Variants in ZFHX3 observed in about 807,000 individuals in gnomAD.
ZFHX3 encodes the protein zinc finger homeobox 3.
A neutral mutation model predicts 279.1 loss-of-function variants in ZFHX3; 42 were observed. The observed-to-expected ratio is 0.15, with a 90% CI of 0.12 to 0.19. The LOEUF (loss-of-function observed/expected upper bound fraction) is 0.19. ZFHX3 is among the 10% of genes least tolerant of loss of function. The probability of loss-of-function intolerance (pLI) is 1.00; values close to 1 mark genes in which losing one functional copy is unlikely to be tolerated. For synonymous variants in ZFHX3, 2,293 were observed against 1,957.8 expected, an observed-to-expected ratio of 1.17 and a Z score of -4.52; for missense variants, 4,981 against 4,754.0, an observed-to-expected ratio of 1.05 and a Z score of -1.40.
At chr16:73,083,684 C>T (rs1252004292) in intron 8 of ZFHX3, among the ~76,000 whole-genome samples, 4 of 152,182 alleles carry the variant, frequency 2.6e-5, no homozygotes, top group Non-Finnish European at 5.9e-5. Flanking sequence ...TGCGCACCAT[C>T]ACACCTGGTT....
chr16:73,718,281 G>A (rs544639836), intron 1 of ZFHX3, among the ~76,000 whole-genome samples: 1 of 152,206 alleles, frequency 6.6e-6, no homozygotes, highest in African/African-American at 2.4e-5. Flanking sequence ...CGTGGTGGCA[G>A]GCACCTGTAA....
intron 1 of ZFHX3, among the ~76,000 whole-genome samples, chr16:73,020,740 G>T (rs917281619): frequency 3.3e-5 from 5 of 152,156 alleles, no homozygotes; most frequent in Non-Finnish European, 5.9e-5. Flanking sequence ...CTGGTTTAAG[G>T]GTAAAGTCAG....
chr16:73,885,893 C>A (rs962817106), intron 1 of ZFHX3, among the ~76,000 whole-genome samples: 2 of 152,158 alleles, frequency 1.3e-5, no homozygotes, highest in Non-Finnish European at 2.9e-5. Context: ...TAAGTACCCC[C>A]CTGACTGAGG....
At chr16:73,018,191 T>A (rs1428933380) in intron 1 of ZFHX3, among the ~76,000 whole-genome samples, 1 of 151,882 alleles carries the variant, frequency 6.6e-6, no homozygotes, top group Non-Finnish European at 1.5e-5. Flanking sequence ...AGGGTCTCAC[T>A]ATGTTGCCCA....
chr16:73,556,583 T>C (rs2020286415), intron 2 of ZFHX3, among the ~76,000 whole-genome samples: 1 of 152,042 alleles, frequency 6.6e-6, no homozygotes, highest in African/African-American at 2.4e-5. Flanking sequence ...AAGAAAAATC[T>C]ACTGGGGTTT....
chr16:73,306,021 C>A lies in ZFHX3; in HGVS notation c.-1194+12219G>T, dbSNP rs941439151. ...ATGCGGATTCTGGCTCAGTGGAACC[C>A]GCAAGTCTGCATTTCTTACAAAATC... On this transcript the variant is annotated intron_variant, in intron 4 of 17. Transcript: ENST00000641206. 4.6e-5 allele frequency among the ~76,000 whole-genome samples: 7 copies of A among 152,276 alleles called. No homozygotes were observed. The East Asian group carries it at 1.4e-3, about 29-fold the overall frequency.
At chr16:73,452,043 A>T (rs2018288884) in intron 3 of ZFHX3, among the ~76,000 whole-genome samples, 1 of 152,236 alleles carries the variant, frequency 6.6e-6, no homozygotes, top group Admixed American at 6.5e-5. Context: ...GTACACAAAG[A>T]GCTGAGAGTT....
At chr16:73,799,784 G>A (rs72803159) in intron 1 of ZFHX3, among the ~76,000 whole-genome samples, 2,353 of 152,204 alleles carry the variant, frequency 0.015, 38 homozygotes, top group Middle Eastern at 0.031. Flanking sequence ...TGAAGAATGT[G>A]GGAGACAAAA....
At chr16:73,271,353 G>A (rs1255512656) in intron 4 of ZFHX3, among the ~76,000 whole-genome samples, 1 of 152,178 alleles carries the variant, frequency 6.6e-6, no homozygotes, top group Non-Finnish European at 1.5e-5. Context: ...TCTCCCTGTG[G>A]CACCCACTGG....
chr16:73,481,691 C>T (rs929453544), intron 2 of ZFHX3, among the ~76,000 whole-genome samples: 2 of 152,034 alleles, frequency 1.3e-5, no homozygotes, highest in African/African-American at 2.4e-5. Context: ...TAGGGTCTCA[C>T]TATGTTGCCC....
rs561572485 is a variant in ZFHX3, at chr16:73,319,484, G to T, written c.-1290-1148C>A. On this transcript the variant is annotated intron_variant, in intron 3 of 17. Transcript: ENST00000641206. Reference sequence around the variant, plus strand: ...TAAAGGGCTTCCGAGCGTTGTTGAGGGCTAGCTGTGGTCACCAGGCCCAGA... The same window carrying T: ...TAAAGGGCTTCCGAGCGTTGTTGAGTGCTAGCTGTGGTCACCAGGCCCAGA... Among the ~76,000 whole-genome samples the T allele has an allele frequency of 3.3e-5, 5 of 152,196 alleles. No homozygotes were observed. The South Asian group carries it at 1.0e-3, about 32-fold the overall frequency.
chr16:73,046,603 G>A lies in ZFHX3; in HGVS notation c.-50+1149C>T, dbSNP rs564542124. 7.9e-5 allele frequency among the ~76,000 whole-genome samples: 12 copies of A among 152,156 alleles called. No homozygotes were observed. The South Asian group carries it at 1.5e-3, about 18-fold the overall frequency. On this transcript the variant is annotated intron_variant, in intron 1 of 9. Coordinates refer to ENST00000268489, the MANE Select transcript of ZFHX3 (RefSeq NM_006885.4). Reference sequence around the variant, plus strand: ...CTCGAGGGGCCAACTCTACAAACTCGCACCTGCTGCTTGACGGCAAGGAAA... The same window carrying A: ...CTCGAGGGGCCAACTCTACAAACTCACACCTGCTGCTTGACGGCAAGGAAA...
rs189667477 is a variant in ZFHX3, at chr16:73,407,105, G to A, written c.-1291+48898C>T. Among the ~76,000 whole-genome samples, 539 of 152,186 alleles carry A rather than the reference G, an allele frequency of 3.5e-3. 2 individuals carry two copies. Among genetic ancestry groups the A allele is most frequent in the Non-Finnish European group, 3.6e-3 (242 of 68,006 alleles). ...ATATATTTTTGGTTGTTACAACTTG[G>A]GAGTGCTAGAGATACTCAGTGGGTG... On this transcript the variant is annotated intron_variant, in intron 3 of 17. Coordinates refer to the ZFHX3 transcript ENST00000641206.
chr16:73,377,849 C>G (rs1489184167), intron 3 of ZFHX3, among the ~76,000 whole-genome samples: 1 of 151,170 alleles, frequency 6.6e-6, no homozygotes, highest in Non-Finnish European at 1.5e-5. Context: ...CTGGCTAACA[C>G]GGTGAAACTC....
chr16:73,196,778 G>A (rs1021544112), intron 5 of ZFHX3, among the ~76,000 whole-genome samples: 3 of 152,156 alleles, frequency 2.0e-5, no homozygotes, highest in African/African-American at 7.2e-5. Flanking sequence ...TCACCAGAAG[G>A]AGGTTTTGAG....
At chr16:73,028,697 G>A (rs754493492) in intron 1 of ZFHX3, among the ~76,000 whole-genome samples, 1 of 152,232 alleles carries the variant, frequency 6.6e-6, no homozygotes, top group Non-Finnish European at 1.5e-5. Flanking sequence ...AGAAGCCCAT[G>A]GTACAGGCTT....
chr16:73,140,757 G>C (rs1755541309), intron 6 of ZFHX3, among the ~76,000 whole-genome samples: 1 of 152,212 alleles, frequency 6.6e-6, no homozygotes. Context: ...GGGAGGCTGA[G>C]GCAGGAGAAT....
chr16:73,152,073 C>G (rs954416096), intron 5 of ZFHX3, among the ~76,000 whole-genome samples: 2 of 152,142 alleles, frequency 1.3e-5, no homozygotes, highest in Admixed American at 6.5e-5. Flanking sequence ...TTCCCTCACT[C>G]CAACAAGATA....
intron 1 of ZFHX3, among the ~76,000 whole-genome samples, chr16:73,791,411 T>C (rs1959820666): frequency 6.6e-6 from 1 of 151,966 alleles, no homozygotes; most frequent in Admixed American, 6.6e-5. Context: ...TGCATTTACT[T>C]ATTTATTTAT....
Sources: allele counts gnomAD v4.1 joint callset (sites outside exome capture counted in the v4.1 genomes callset), GRCh38; gene constraint gnomAD v4.1.1; transcripts MANE v1.5; gene names NCBI Gene and HGNC (gene_info 2026-07-23, HGNC 2026-07-21).